The following DRC1 variants were observed in gnomAD, a reference collection of about 807,000 sequenced individuals.
DRC1 encodes the protein dynein regulatory complex protein 1.
Under a neutral mutation model 98.7 loss-of-function variants are expected in DRC1, and 74 were observed. That is an observed-to-expected ratio of 0.75 (90% CI 0.62 to 0.91). The LOEUF (loss-of-function observed/expected upper bound fraction) is 0.91, where lower values mean the gene tolerates loss of function less well. Among genes scored for constraint, DRC1 ranks in the 40% least tolerant of loss-of-function variants. DRC1 has a pLI of 0.00. For synonymous variants in DRC1, 336 were observed against 334.1 expected (o/e 1.01, Z -0.06); for missense variants, 875 against 886.0 (o/e 0.99, Z 0.16).
At chr2:26,404,711 G>A (rs903957377) in intron 1 of DRC1, among the ~76,000 whole-genome samples, 3 of 152,122 alleles carry the variant, frequency 2.0e-5, no homozygotes, top group Admixed American at 6.5e-5. Context: ...TCCCCACTAT[G>A]GTAGCTCTAT....
intron 2 of DRC1, among the ~76,000 whole-genome samples, chr2:26,414,692 G>C (rs925969496): frequency 1.3e-5 from 2 of 152,118 alleles, no homozygotes; most frequent in African/African-American, 2.4e-5. Flanking sequence ...TTTTAGCTTG[G>C]GCGCTCAAGG....
chr2:26,418,604 T>A (rs1456778279), intron 2 of DRC1, among the ~76,000 whole-genome samples: 3 of 92,724 alleles, frequency 3.2e-5, no homozygotes, highest in East Asian at 2.5e-4. Flanking sequence ...ATTTATATAA[T>A]ATATAAATTA....
intron 7 of DRC1, among the ~76,000 whole-genome samples, chr2:26,432,262 C>T (rs1022308212): frequency 1.3e-5 from 2 of 151,968 alleles, no homozygotes; most frequent in African/African-American, 2.4e-5. Flanking sequence ...TTTGGGAGGC[C>T]GAGGCATGAG....
chr2:26,431,881 T>C lies in DRC1; in HGVS notation c.766-3T>C. ...CTTTTCCCTTGTCTTCCTGTGCCTT[T>C]AGCTGGAGTATCTTAACAACCGCAT... On this transcript the variant is annotated splice_polypyrimidine_tract_variant and splice_region_variant and intron_variant, in intron 6 of 16. Coordinates refer to ENST00000288710, the MANE Select transcript of DRC1 (RefSeq NM_145038.5). 1 of 1,613,684 alleles carries C rather than the reference T, an allele frequency of 6.2e-7. No homozygotes were observed. Among genetic ancestry groups the C allele is most frequent in the Non-Finnish European group, 8.5e-7 (1 of 1,179,686 alleles).
intron 10 of DRC1, among the ~76,000 whole-genome samples, chr2:26,445,686 G>C (rs1372592298): frequency 1.3e-5 from 2 of 152,014 alleles, no homozygotes; most frequent in Non-Finnish European, 2.9e-5. Context: ...TTGAGACAGA[G>C]TCTCGCTCTG....
Position 26,402,009 on chromosome 2 carries a change from T to C in DRC1, c.20T>C (p.Leu7Pro). MNPPGS[L>P]EALDPNVDEH... The stretch of plus-strand genomic sequence containing the variant: ...CCTGCCATGAATCCGCCGGGGTCCC[T>C]AGAGGCCCTGGACCCGAACGTGGAC... Residue 7 changes from leucine to proline, a missense_variant, in exon 1 of 17, where the codon CTA becomes CCA. Transcript: ENST00000288710. 6.2e-7 allele frequency: 1 copy of C among 1,609,284 alleles called. No homozygotes were observed. The highest frequency in any genetic ancestry group is 8.5e-7 in the Non-Finnish European group (1 of 1,178,158).
intron 7 of DRC1, among the ~76,000 whole-genome samples, chr2:26,433,736 T>A (rs1177980606): frequency 2.0e-5 from 3 of 152,054 alleles, no homozygotes; most frequent in Non-Finnish European, 4.4e-5. Context: ...AGAGAAGTGG[T>A]GGGCAGGGAG....
At chr2:26,452,671 T>C (rs941584009) in intron 13 of DRC1, among the ~76,000 whole-genome samples, 1 of 152,212 alleles carries the variant, frequency 6.6e-6, no homozygotes, top group Non-Finnish European at 1.5e-5. Flanking sequence ...TTTAATAATA[T>C]ATGGTATGTC....
intron 12 of DRC1, 48 bp downstream of exon 12, chr2:26,450,133 G>C: frequency 1.3e-6 from 2 of 1,558,898 alleles, no homozygotes; most frequent in Non-Finnish European, 1.7e-6. Context: ...GCAGCCGGCC[G>C]TGTTCTCAGA....
intron 1 of DRC1, among the ~76,000 whole-genome samples, chr2:26,408,422 A>G (rs1487337021): frequency 6.6e-6 from 1 of 152,180 alleles, no homozygotes; most frequent in Admixed American, 6.5e-5. Context: ...TATTCCAGGC[A>G]GGAGGCTGGA....
chr2:26,411,320 T>A (rs903890855), intron 1 of DRC1, among the ~76,000 whole-genome samples: 52 of 152,228 alleles, frequency 3.4e-4, no homozygotes, highest in Admixed American at 3.3e-4. Flanking sequence ...TTTAACCCAA[T>A]ATATAAAAGT....
intron 1 of DRC1, among the ~76,000 whole-genome samples, chr2:26,407,948 C>G (rs1405147477): frequency 1.3e-5 from 2 of 152,180 alleles, no homozygotes; most frequent in Non-Finnish European, 2.9e-5. Context: ...TATTCACAAC[C>G]TTCTCCTATA....
chr2:26,424,403 C>T lies in DRC1; in HGVS notation c.489C>T (p.His163=). ...LWEMLNTQQL[H]CAGLLEDKNK... ...AAATGCTCAATACCCAACAGCTGCA[C>T]TGTGCTGGACTCTTAGAAGATAAGA... Residue 163 remains histidine (H), a synonymous_variant, in exon 4 of 17, where the codon CAC becomes CAT. Coordinates refer to ENST00000288710, the MANE Select transcript of DRC1 (RefSeq NM_145038.5). 6.2e-7 allele frequency: 1 copy of T among 1,613,874 alleles called. No homozygotes were observed. Among genetic ancestry groups the T allele is most frequent in the Non-Finnish European group, 8.5e-7 (1 of 1,180,006 alleles).
In DRC1 at chr2:26,454,995, C is replaced by A; in HGVS notation, c.2064-136C>A. ...TTCTGTTCCTGCTAACCTGGCTCAC[C>A]TGGCGGCTGGGTGAAGAGTGTAGCT... On this transcript the variant is annotated intron_variant, in intron 15 of 16. Transcript: ENST00000288710. The surrounding 1 kb of genome is among the most constrained non-coding windows in gnomAD (Gnocchi z 5.2). The A allele has an allele frequency of 7.4e-7, 1 of 1,346,674 alleles. No homozygotes were observed. The highest frequency in any genetic ancestry group is 1.1e-6 in the Non-Finnish European group (1 of 950,818). 83.4% of individuals were successfully genotyped at this position (1,346,674 alleles called of 1,614,324 possible).
intron 3 of DRC1, among the ~76,000 whole-genome samples, chr2:26,423,576 G>C (rs562016943): frequency 1.3e-5 from 2 of 152,182 alleles, no homozygotes; most frequent in Non-Finnish European, 2.9e-5. Context: ...TTATGGAAAG[G>C]CTGTCCCTAT....
rs59636742 is a variant in DRC1 at position 26,440,345 on chromosome 2, GTA to G, written c.889-18_889-17del. 5,467 of 1,313,832 alleles carry G rather than the reference GTA, an allele frequency of 4.2e-3. 60 individuals are homozygous for G. Among genetic ancestry groups the G allele is most frequent in the African/African-American group, 0.037 (2,268 of 60,572 alleles). 81.4% of individuals were successfully genotyped at this position (1,313,832 alleles called of 1,614,324 possible). A position where few individuals can be genotyped will look rare whatever the true frequency, so the allele number is the denominator to read the frequency against. ...TGTGTGTGTGTGTGTGTGTGTGTGT[GTA>G]TATATATATATATAGTTTTTTTAAC... On this transcript the variant is annotated intron_variant, in intron 7 of 16. Transcript: ENST00000288710.
At chr2:26,434,162 A>G (rs576080081) in intron 7 of DRC1, among the ~76,000 whole-genome samples, 1 of 152,360 alleles carries the variant, frequency 6.6e-6, no homozygotes, top group South Asian at 2.1e-4. Context: ...CTTGCAAACC[A>G]CAAAAATAGG....
chr2:26,416,578 G>A (rs79352317), intron 2 of DRC1, among the ~76,000 whole-genome samples: 2,209 of 152,152 alleles, frequency 0.015, 48 homozygotes, highest in African/African-American at 0.048. Flanking sequence ...GACCTATCTG[G>A]AATTGATTTC....
intron 3 of DRC1, among the ~76,000 whole-genome samples, chr2:26,422,602 T>C (rs1267715185): frequency 6.6e-6 from 1 of 152,198 alleles, no homozygotes; most frequent in Non-Finnish European, 1.5e-5. Context: ...CTTCAATTAA[T>C]TTCTTAAACA....
Sources: gnomAD v4.1 joint callset for allele counts (sites outside exome capture counted in the v4.1 genomes callset) on GRCh38, gnomAD v4.1.1 for gene constraint, Gnocchi (gnomAD v3.1) non-coding constraint, MANE v1.5 for transcripts, NCBI Gene and HGNC (gene_info 2026-07-23, HGNC 2026-07-21) for gene names.